Variants in AGPAT2 observed in about 807,000 individuals in gnomAD.
AGPAT2 encodes 1-acylglycerol-3-phosphate O-acyltransferase 2, also known as 1-acyl-sn-glycerol-3-phosphate acyltransferase beta.
Under a neutral mutation model 26.1 loss-of-function variants are expected in AGPAT2, and 18 were observed. The ratio of observed to expected loss-of-function variants is 0.69; its 90% CI spans 0.48 to 1.02. The LOEUF (loss-of-function observed/expected upper bound fraction) is 1.02, where lower values mean the gene tolerates loss of function less well. Among genes scored for constraint, AGPAT2 ranks in the 50% least tolerant of loss-of-function variants. AGPAT2 has a pLI of 0.00. For synonymous variants in AGPAT2, 200 were observed against 174.2 expected, an observed-to-expected ratio of 1.15 and a Z score of -1.16; for missense variants, 415 against 394.9, an observed-to-expected ratio of 1.05 and a Z score of -0.43.
At chr9:136,678,336 C>G (rs546518742) in intron 1 of AGPAT2, among the ~76,000 whole-genome samples, 1 of 152,304 alleles carries the variant, frequency 6.6e-6, no homozygotes, top group African/African-American at 2.4e-5. Flanking sequence ...AGCAGCCCGT[C>G]ATGGTTGGGA....
rs968556261 is a variant in AGPAT2 at position 136,673,809 on chromosome 9, G to A, written c.780C>T (p.Ser260=). 1.2e-6 allele frequency: 2 copies of A among 1,606,558 alleles called. No individual in the cohort carries two copies. Among genetic ancestry groups the A allele is most frequent in the Non-Finnish European group, 1.7e-6 (2 of 1,178,090 alleles). The change falls in exon 6 of 6, where the codon TCC becomes TCT. Residue 260 remains serine, a synonymous_variant. Coordinates refer to ENST00000371696, the MANE Select transcript of AGPAT2 (RefSeq NM_006412.4). ...RAMRTTFLHI[S]KTPQENGATA... ...TGGCCCCGTTCTCCTGGGGGGTCTT[G>A]GAGATGTGGAGGAAGGTGGTCCTCA...
intron 1 of AGPAT2, among the ~76,000 whole-genome samples, chr9:136,686,030 C>CAT (rs1452081525): frequency 7.5e-4 from 115 of 152,354 alleles, no homozygotes; most frequent in African/African-American, 2.7e-3. Context: ...TGGTCACACA[C>CAT]GTCTGGCTGA....
intron 1 of AGPAT2, among the ~76,000 whole-genome samples, chr9:136,686,909 G>A (rs1414657112): frequency 2.6e-5 from 4 of 152,252 alleles, no homozygotes; most frequent in African/African-American, 7.2e-5. Flanking sequence ...GGACGCGGCG[G>A]AGGCCGAAAC....
Position 136,673,708 on chromosome 9 carries a change from G to C in AGPAT2, c.*44C>G. ...CCCTCTGCCCATCCTCCAGCCATCGGCTTCCACCTGCCCTCCCCAGGTCAT... is the reference window on the plus strand; with the variant it reads ...CCCTCTGCCCATCCTCCAGCCATCGCCTTCCACCTGCCCTCCCCAGGTCAT... On this transcript the variant is annotated 3_prime_UTR_variant, in exon 6 of 6. Coordinates refer to ENST00000371696, the MANE Select transcript of AGPAT2 (RefSeq NM_006412.4). 3 of 1,509,260 alleles carry C rather than the reference G, an allele frequency of 2.0e-6. No homozygotes were observed. Among genetic ancestry groups the C allele is most frequent in the Non-Finnish European group, 2.7e-6 (3 of 1,120,666 alleles). The allele number at this position is 1,509,260 out of a possible 1,614,324, so 93.5% of individuals were successfully genotyped here.
chr9:136,674,072 G>A lies in AGPAT2; in HGVS notation c.662-145C>T, dbSNP rs948561406. 2.8e-5 allele frequency: 21 copies of A among 762,610 alleles called. No individual in the cohort carries two copies. In the Admixed American group the frequency reaches 4.0e-4, roughly 14 times the overall value. 47.2% of individuals were successfully genotyped at this position (762,610 alleles called of 1,614,324 possible). ...GGCTCTTCCCCTGGACTCCCTAGCC[G>A]TGGTGGGTTATTTTAATTGCAGTAA... On this transcript the variant is annotated intron_variant, in intron 5 of 5. Coordinates refer to ENST00000371696, the MANE Select transcript of AGPAT2 (RefSeq NM_006412.4).
intron 1 of AGPAT2, among the ~76,000 whole-genome samples, chr9:136,681,059 A>G (rs1173763764): frequency 6.6e-6 from 1 of 151,182 alleles, no homozygotes; most frequent in Admixed American, 6.6e-5. Flanking sequence ...CGGCGCATTC[A>G]CTGCCGTGTG....
Position 136,676,689 on chromosome 9 carries a change from A to G in AGPAT2, c.493-9T>C, listed in dbSNP as rs1846093988. ...TAGATCCACACTTTGAGCTGCAGGG[A>G]GAGGAGAGCCTGGACTGACCTCACG... On this transcript the variant is annotated splice_polypyrimidine_tract_variant and intron_variant, in intron 3 of 5. Coordinates refer to ENST00000371696, the MANE Select transcript of AGPAT2 (RefSeq NM_006412.4). 1 of 1,612,800 alleles carries G rather than the reference A, an allele frequency of 6.2e-7. No individual in the cohort carries two copies. The highest frequency in any genetic ancestry group is 8.5e-7 in the Non-Finnish European group (1 of 1,179,378).
At chr9:136,684,555 G>T (rs1293080785) in intron 1 of AGPAT2, among the ~76,000 whole-genome samples, 1 of 152,222 alleles carries the variant, frequency 6.6e-6, no homozygotes, top group East Asian at 1.9e-4. Flanking sequence ...CTGGAACCCC[G>T]TGGGGAGGGG....
At chr9:136,674,010 A>G (rs1846051879) in intron 5 of AGPAT2, 83 bp from the exon 6 acceptor site, 8 of 1,286,890 alleles carry the variant, frequency 6.2e-6, no homozygotes, top group South Asian at 1.8e-5. Flanking sequence ...GCCTCTCCCC[A>G]GCCCCCCACA....
intron 3 of AGPAT2, 30 bp downstream of exon 3, chr9:136,676,931 A>AAC: frequency 6.3e-7 from 1 of 1,582,642 alleles, no homozygotes; most frequent in Non-Finnish European, 8.6e-7. Flanking sequence ...CCCCACCCCA[A>AAC]CCCCACCGAG....
chr9:136,685,273 G>A (rs913688895), intron 1 of AGPAT2, among the ~76,000 whole-genome samples: 40 of 152,208 alleles, frequency 2.6e-4, no homozygotes, highest in African/African-American at 9.2e-4. Context: ...TCCCATCCAA[G>A]CACCATCAGA....
intron 1 of AGPAT2, 138 bp downstream of exon 1, chr9:136,687,038 G>A (rs1311855470): frequency 2.0e-6 from 2 of 982,106 alleles, no homozygotes; most frequent in Non-Finnish European, 2.8e-6. Flanking sequence ...GCCTGCCGCC[G>A]GCCCAGGCGC....
intron 4 of AGPAT2, among the ~76,000 whole-genome samples, chr9:136,675,986 TCTC>T (rs1179448240): frequency 1.3e-5 from 2 of 152,026 alleles, no homozygotes; most frequent in Admixed American, 1.3e-4. Context: ...AAAAGCTCCT[TCTC>T]CTGACGCAAC....
At chr9:136,674,702 GCCTACACC>G in intron 5 of AGPAT2, 25 bp downstream of exon 5, 1 of 1,390,874 alleles carries the variant, frequency 7.2e-7, no homozygotes, top group Non-Finnish European at 9.5e-7. Context: ...GTCAGGCGGG[GCCTACACC>G]CCGGGTGCAC....
intron 1 of AGPAT2, among the ~76,000 whole-genome samples, chr9:136,681,276 C>T (rs770659962): frequency 3.3e-5 from 5 of 152,160 alleles, no homozygotes; most frequent in South Asian, 2.1e-4. Flanking sequence ...GATGGACGGA[C>T]GGAGGCTGCC....
At chr9:136,678,339 G>A (rs1846119419) in intron 1 of AGPAT2, among the ~76,000 whole-genome samples, 2 of 152,218 alleles carry the variant, frequency 1.3e-5, no homozygotes, top group African/African-American at 4.8e-5. Context: ...AGCCCGTCAT[G>A]GTTGGGACCA....
At position 136,677,153 on chromosome 9, in the gene AGPAT2, C is replaced by G. The variant is rs757616375; in HGVS notation, c.317-17G>C. 105 of 1,612,068 alleles carry G rather than the reference C, an allele frequency of 6.5e-5. No individual in the cohort carries two copies. The highest frequency in any genetic ancestry group is 8.1e-5 in the Non-Finnish European group (96 of 1,179,570). On this transcript the variant is annotated splice_polypyrimidine_tract_variant and intron_variant, in intron 2 of 5. Transcript: ENST00000371696. Reference sequence around the variant, plus strand: ...CCATGAGGCCTGGGAGACAGAGAGACAGAGACAGAGAGAGAGGGGGAGACA... The same window carrying G: ...CCATGAGGCCTGGGAGACAGAGAGAGAGAGACAGAGAGAGAGGGGGAGACA...
chr9:136,678,861 T>A (rs1429826585), intron 1 of AGPAT2, among the ~76,000 whole-genome samples: 1 of 152,112 alleles, frequency 6.6e-6, no homozygotes, highest in African/African-American at 2.4e-5. Context: ...CCTGGGCTCC[T>A]CCCACCTCAG....
chr9:136,687,384 G>C lies in AGPAT2; in HGVS notation c.-27C>G, dbSNP rs1301711653. 4 of 1,432,918 alleles carry C rather than the reference G, an allele frequency of 2.8e-6. No individual in the cohort carries two copies. The highest frequency in any genetic ancestry group is 3.0e-5 in the East Asian group (1 of 33,318). 88.8% of individuals were successfully genotyped at this position (1,432,918 alleles called of 1,614,324 possible). ...GCCCGGCCCGGCGCCCGACGGCGCC[G>C]CCAGCTCGCTCCCGCTCCCGCTCCC... On this transcript the variant is annotated 5_prime_UTR_variant, in exon 1 of 6. Coordinates refer to ENST00000371696, the MANE Select transcript of AGPAT2 (RefSeq NM_006412.4).
Sources: allele counts gnomAD v4.1 joint callset (sites outside exome capture counted in the v4.1 genomes callset), GRCh38; gene constraint gnomAD v4.1.1; transcripts MANE v1.5; gene names NCBI Gene and HGNC (gene_info 2026-07-23, HGNC 2026-07-21).